The following SMYD3 variants were observed in gnomAD, a reference collection of about 807,000 sequenced individuals.
SMYD3 encodes histone-lysine N-methyltransferase SMYD3.
A neutral mutation model predicts 57.7 loss-of-function variants in SMYD3; 36 were observed. The observed-to-expected ratio is 0.62, with a 90% CI of 0.48 to 0.82. The LOEUF is 0.82. Ranked by LOEUF, SMYD3 falls within the 40% of genes least tolerant of loss-of-function variation. The probability of loss-of-function intolerance (pLI) is 0.00; values close to 1 mark genes in which losing one functional copy is unlikely to be tolerated. For synonymous variants in SMYD3, 211 were observed against 195.0 expected (o/e 1.08, Z -0.68); for missense variants, 515 against 538.8 (o/e 0.96, Z 0.44).
intron 5 of SMYD3, among the ~76,000 whole-genome samples, chr1:246,013,600 T>G (rs1345378958): frequency 6.6e-6 from 1 of 152,190 alleles, no homozygotes; most frequent in Non-Finnish European, 1.5e-5. Flanking sequence ...TAAAGCAATT[T>G]AACAATGAAA....
intron 1 of SMYD3, among the ~76,000 whole-genome samples, chr1:246,474,853 T>A (rs1214875670): frequency 6.6e-6 from 1 of 152,104 alleles, no homozygotes; most frequent in African/African-American, 2.4e-5. Context: ...GGAAATTCTG[T>A]CAAGTAGCAG....
chr1:245,893,496 C>G (rs1357051666), intron 8 of SMYD3, among the ~76,000 whole-genome samples: 4 of 944 alleles, frequency 4.2e-3, no homozygotes, highest in Middle Eastern at 0.5. Flanking sequence ...TATGAAATAG[C>G]CATGTAATGG....
rs112012738 is a variant in SMYD3 at position 245,806,916 on chromosome 1, CAAAAAAAAA to C, written c.1077-42776_1077-42768del. On this transcript the variant is annotated intron_variant, in intron 10 of 11. Transcript: ENST00000490107. The stretch of plus-strand genomic sequence containing the variant: ...TGGGCGACAGAGCGAGACTCCGTCT[CAAAAAAAAA>C]AAAAAAAAAAAAAAAAAAAAGAGGG... Among the ~76,000 whole-genome samples the C allele has an allele frequency of 5.8e-4, 24 of 41,332 alleles. 1 individual carries two copies. The highest frequency in any genetic ancestry group is 1.8e-3 in the African/African-American group (20 of 11,020). 27.1% of individuals were successfully genotyped at this position (41,332 alleles called of 152,430 possible).
At chr1:245,861,537 A>T (rs2051546326) in intron 9 of SMYD3, among the ~76,000 whole-genome samples, 1 of 152,166 alleles carries the variant, frequency 6.6e-6, no homozygotes, top group Non-Finnish European at 1.5e-5. Context: ...CCTCTCACCT[A>T]TAAAGTCTAA....
Position 246,203,131 on chromosome 1 carries a change from A to G in SMYD3, c.531+124070T>C, listed in dbSNP as rs746771657. Reference sequence around the variant, plus strand: ...CCGTCTCAAAAAATAAAAGAAAAGAAAAAGAAAAAGAAAATAAAGGCTGGA... The same window carrying G: ...CCGTCTCAAAAAATAAAAGAAAAGAGAAAGAAAAAGAAAATAAAGGCTGGA... On this transcript the variant is annotated intron_variant, in intron 5 of 11. Coordinates refer to ENST00000490107, the MANE Select transcript of SMYD3 (RefSeq NM_001167740.2). The surrounding 1 kb of genome is among the most constrained non-coding windows in gnomAD (Gnocchi z 4.6). Among the ~76,000 whole-genome samples the G allele has an allele frequency of 1.1e-4, 17 of 152,254 alleles. No individual in the cohort carries two copies. In the East Asian group the frequency reaches 1.4e-3, roughly 12 times the overall value.
intron 5 of SMYD3, among the ~76,000 whole-genome samples, chr1:245,994,812 C>T (rs1285445604): frequency 6.6e-6 from 1 of 150,576 alleles, no homozygotes; most frequent in East Asian, 1.9e-4. Context: ...AAAAAAAAAG[C>T]TGTAAAAAGG....
chr1:246,496,859 T>C (rs2068372035), intron 1 of SMYD3, among the ~76,000 whole-genome samples: 2 of 152,160 alleles, frequency 1.3e-5, no homozygotes, highest in African/African-American at 4.8e-5. Context: ...ATTAGCCTAC[T>C]GTTATAAATG....
intron 2 of SMYD3, among the ~76,000 whole-genome samples, chr1:246,354,418 G>T (rs866190912): frequency 6.6e-6 from 1 of 152,032 alleles, no homozygotes; most frequent in Non-Finnish European, 1.5e-5. Flanking sequence ...AATACAATAA[G>T]AATTTATCCT....
rs2060348851 is a variant in SMYD3, at chr1:246,066,799, G to A, written c.532-136862C>T. Reference sequence around the variant, plus strand: ...GGCAGACTATTATCTGAAAGCACTGGTGCATAGCTTCCTGGGTCAGGGACA... The same window carrying A: ...GGCAGACTATTATCTGAAAGCACTGATGCATAGCTTCCTGGGTCAGGGACA... On this transcript the variant is annotated intron_variant, in intron 5 of 11. Transcript: ENST00000490107. 1.3e-5 allele frequency among the ~76,000 whole-genome samples: 2 copies of A among 152,176 alleles called. 1 individual carries two copies.
chr1:246,175,281 A>AT (rs1656008936), intron 5 of SMYD3, among the ~76,000 whole-genome samples: 1 of 152,200 alleles, frequency 6.6e-6, no homozygotes, highest in South Asian at 2.1e-4. Context: ...CTTCAAGATG[A>AT]TTTTTACATA....
At chr1:245,759,359 G>C (rs2045745871) in intron 11 of SMYD3, among the ~76,000 whole-genome samples, 1 of 152,110 alleles carries the variant, frequency 6.6e-6, no homozygotes, top group Admixed American at 6.5e-5. Flanking sequence ...AGTGTTTAGA[G>C]GAGGGCTTTT....
chr1:246,067,376 T>C (rs1483510020), intron 5 of SMYD3, among the ~76,000 whole-genome samples: 1 of 152,166 alleles, frequency 6.6e-6, no homozygotes, highest in African/African-American at 2.4e-5. Flanking sequence ...ATCCACTCAC[T>C]CCCTTCAGCA....
intron 5 of SMYD3, among the ~76,000 whole-genome samples, chr1:246,237,692 A>C (rs1248234436): frequency 6.6e-6 from 1 of 152,234 alleles, no homozygotes; most frequent in Non-Finnish European, 1.5e-5. Flanking sequence ...CTGAAGTGAG[A>C]ATAGCCTTCT....
chr1:246,492,820 C>T (rs889226878), intron 1 of SMYD3, among the ~76,000 whole-genome samples: 2 of 152,220 alleles, frequency 1.3e-5, no homozygotes, highest in African/African-American at 4.8e-5. Flanking sequence ...TCCCACACTG[C>T]CACCTCGTGG....
intron 10 of SMYD3, among the ~76,000 whole-genome samples, chr1:245,840,588 GA>G (rs2050350999): frequency 1.3e-5 from 2 of 152,004 alleles, no homozygotes; most frequent in Non-Finnish European, 2.9e-5. Context: ...TACCTTCATG[GA>G]AAAAGAGATG....
intron 5 of SMYD3, among the ~76,000 whole-genome samples, chr1:246,003,535 G>C (rs1412421936): frequency 6.6e-6 from 1 of 152,140 alleles, no homozygotes; most frequent in African/African-American, 2.4e-5. Flanking sequence ...CATACTGAAA[G>C]ATTCCCTCCC....
At position 246,474,717 on chromosome 1, in the gene SMYD3, TA is replaced by T. The variant is rs555942707; in HGVS notation, c.164+32336del. 2.6e-4 allele frequency among the ~76,000 whole-genome samples: 39 copies of T among 152,230 alleles called. 1 individual carries two copies. The South Asian group carries it at 4.8e-3, about 19-fold the overall frequency. ...TGCAGAGGTCAGCAACTCCAAGGTT[TA>T]TGGAAGGAAAAGGGGAGACAGGAGA... On this transcript the variant is annotated intron_variant, in intron 1 of 11. Coordinates refer to ENST00000490107, the MANE Select transcript of SMYD3 (RefSeq NM_001167740.2).
intron 5 of SMYD3, among the ~76,000 whole-genome samples, chr1:246,103,428 T>C (rs1164891058): frequency 1.3e-5 from 2 of 151,884 alleles, no homozygotes; most frequent in Non-Finnish European, 2.9e-5. Context: ...GTGATTCAGT[T>C]TGTCCATGTA....
At chr1:246,499,431 T>C (rs2068423296) in intron 1 of SMYD3, among the ~76,000 whole-genome samples, 1 of 151,250 alleles carries the variant, frequency 6.6e-6, no homozygotes, top group Non-Finnish European at 1.5e-5. Flanking sequence ...CACACATATA[T>C]ATATTTTTGT....
Sources: allele counts gnomAD v4.1 joint callset (sites outside exome capture counted in the v4.1 genomes callset), GRCh38; gene constraint gnomAD v4.1.1; non-coding constraint Gnocchi (gnomAD v3.1); transcripts MANE v1.5; gene names NCBI Gene and HGNC (gene_info 2026-07-23, HGNC 2026-07-21).